RLN2: variants seen among roughly 807,000 people sequenced by gnomAD.
RLN2 encodes the protein relaxin 2.
In RLN2, 10 loss-of-function variants were observed where a neutral mutation model predicts 7.3. The ratio of observed to expected loss-of-function variants is 1.36; its 90% CI spans 0.84 to 2.31. RLN2 has a LOEUF of 2.31. Among genes scored for constraint, RLN2 ranks in the 30% most tolerant of loss-of-function variants. RLN2 has a pLI of 0.00. For synonymous variants in RLN2, 103 were observed against 82.3 expected, an observed-to-expected ratio of 1.25 and a Z score of -1.36; for missense variants, 298 against 217.6, an observed-to-expected ratio of 1.37 and a Z score of -2.32.
chr9:5,337,143 G>C, the RLN2 span, among the ~76,000 whole-genome samples: 2 of 151,938 alleles, frequency 1.3e-5, no homozygotes, highest in Non-Finnish European at 2.9e-5. Flanking sequence ...CCCTCATTAA[G>C]ACATCCTAAG....
At chr9:5,307,946 A>G (rs1157188805), upstream of RLN2, among the ~76,000 whole-genome samples, 1 of 152,058 alleles carries the variant, frequency 6.6e-6, no homozygotes, top group Non-Finnish European at 1.5e-5. Context: ...TATTTTCTAC[A>G]AAATTCTTAT....
At chr9:5,327,656 G>T in the RLN2 span, among the ~76,000 whole-genome samples, 1 of 151,970 alleles carries the variant, frequency 6.6e-6, no homozygotes, top group Non-Finnish European at 1.5e-5. Context: ...CCCAGTAGGG[G>T]CTGACAGACA....
chr9:5,336,762 A>G, the RLN2 span, among the ~76,000 whole-genome samples: 3 of 151,970 alleles, frequency 2.0e-5, no homozygotes, highest in African/African-American at 7.3e-5. Context: ...ATACCAAGGC[A>G]TTACTCTTGA....
chr9:5,304,461 A>C lies in RLN2; in HGVS notation c.120T>G (p.Val40=), dbSNP rs1459319516. Residue 40 remains valine, a synonymous_variant, in exon 1 of 2, where the codon GTT becomes GTG. Coordinates refer to ENST00000381627, the MANE Select transcript of RLN2 (RefSeq NM_134441.3). The stretch of plus-strand genomic sequence containing the variant: ...TGCCGCAAATGGCAATCTGCGCGCG[A>C]ACTAATTCGCGGCCGCATAATTTAA... The part of the protein sequence containing the change: ...EVIKLCGREL[V]RAQIAICGMS... 1.9e-6 allele frequency: 3 copies of C among 1,613,240 alleles called. No individual in the cohort carries two copies. Among genetic ancestry groups the C allele is most frequent in the Non-Finnish European group, 2.5e-6 (3 of 1,179,826 alleles).
chr9:5,333,016 A>C, the RLN2 span, among the ~76,000 whole-genome samples: 3 of 152,056 alleles, frequency 2.0e-5, no homozygotes, highest in African/African-American at 7.3e-5. Flanking sequence ...ACAAGAAAAC[A>C]AGATCACAGT....
At chr9:5,328,554 C>A in the RLN2 span, among the ~76,000 whole-genome samples, 1 of 151,912 alleles carries the variant, frequency 6.6e-6, no homozygotes, top group Non-Finnish European at 1.5e-5. Context: ...TCAGGAAATA[C>A]AGAGACCACC....
chr9:5,305,548 AT>A, upstream of RLN2, among the ~76,000 whole-genome samples: 1 of 152,002 alleles, frequency 6.6e-6, no homozygotes, highest in East Asian at 1.9e-4. Context: ...GTAAGAGGTG[AT>A]TTTTTACCAT....
chr9:5,300,355 TTA>T lies in RLN2; in HGVS notation c.299_300del (p.Leu100TyrfsTer4), dbSNP rs1460385515. 6.2e-7 allele frequency: 1 copy of T among 1,613,942 alleles called. No homozygotes were observed. Among genetic ancestry groups the T allele is most frequent in the Non-Finnish European group, 8.5e-7 (1 of 1,179,892 alleles). ...AATGCTGGCTGCATCTCAGACAGGG[TTA>T]ACTTCAGCTCCTGTGGCAAATTAGC... ...FVANLPQELK[L>X]TLSEMQPALP... On this transcript the variant is annotated frameshift_variant, in exon 2 of 2. Coordinates refer to ENST00000381627, the MANE Select transcript of RLN2 (RefSeq NM_134441.3). LOFTEE classifies it low-confidence loss of function (END_TRUNC).
chr9:5,311,809 T>A, the RLN2 span: 1 of 678,002 alleles, frequency 1.5e-6, no homozygotes, highest in Non-Finnish European at 2.6e-6. Flanking sequence ...GCAGAATTTT[T>A]TTTTTTAGTA....
the RLN2 span, among the ~76,000 whole-genome samples, chr9:5,313,269 T>A: frequency 6.6e-5 from 10 of 152,198 alleles, no homozygotes; most frequent in East Asian, 1.9e-3. Flanking sequence ...TGAATGCATA[T>A]GTATTTACTT....
At chr9:5,322,481 G>A in the RLN2 span, among the ~76,000 whole-genome samples, 7 of 152,162 alleles carry the variant, frequency 4.6e-5, no homozygotes, top group Middle Eastern at 3.4e-3. Context: ...GTGACACAAG[G>A]TTTTGCCTGT....
chr9:5,303,967 C>T, intron 1 of RLN2: 1 of 168,702 alleles, frequency 5.9e-6, no homozygotes, highest in Non-Finnish European at 1.0e-5. Context: ...CACCAGCACG[C>T]CCGCTGTCTG....
At chr9:5,316,312 T>C in the RLN2 span, among the ~76,000 whole-genome samples, 1 of 149,624 alleles carries the variant, frequency 6.7e-6, no homozygotes, top group African/African-American at 2.5e-5. Flanking sequence ...CTGATTTCTC[T>C]TTTTTTTATT....
At chr9:5,325,132 G>T in the RLN2 span, among the ~76,000 whole-genome samples, 2 of 151,794 alleles carry the variant, frequency 1.3e-5, no homozygotes, top group Admixed American at 6.6e-5. Context: ...AACTGCTATT[G>T]CTGGCCTTAA....
At chr9:5,337,200 C>A in the RLN2 span, among the ~76,000 whole-genome samples, 1 of 151,954 alleles carries the variant, frequency 6.6e-6, no homozygotes, top group Non-Finnish European at 1.5e-5. Flanking sequence ...CCAACCTAAA[C>A]TGTCTGTAGT....
the RLN2 span, among the ~76,000 whole-genome samples, chr9:5,311,932 C>T: frequency 2.0e-5 from 3 of 151,410 alleles, no homozygotes; most frequent in African/African-American, 7.3e-5. Flanking sequence ...CCCACTAACT[C>T]GTTCAAACAA....
rs924547278 is a variant in RLN2 at position 5,304,714 on chromosome 9, T to A, written c.-134A>T. 2 of 843,542 alleles carry A rather than the reference T, an allele frequency of 2.4e-6. No individual in the cohort carries two copies. The highest frequency in any genetic ancestry group is 3.8e-6 in the Non-Finnish European group (2 of 526,580). 52.3% of individuals were successfully genotyped at this position (843,542 alleles called of 1,614,324 possible). ...TTCCCTACCCGGCTCAAGCGGTCTT[T>A]TGTATCCCTTGGGCTATCACTCAGC... On this transcript the variant is annotated 5_prime_UTR_variant, in exon 1 of 2. Coordinates refer to ENST00000381627, the MANE Select transcript of RLN2 (RefSeq NM_134441.3).
chr9:5,317,910 A>G, the RLN2 span, among the ~76,000 whole-genome samples: 4 of 151,960 alleles, frequency 2.6e-5, no homozygotes, highest in Non-Finnish European at 4.4e-5. Context: ...TGTGGGAGAG[A>G]CACTCATCTA....
the RLN2 span, among the ~76,000 whole-genome samples, chr9:5,325,589 C>G: frequency 7.7e-4 from 117 of 152,076 alleles, 1 homozygote; most frequent in African/African-American, 2.6e-3. Flanking sequence ...ATAAGCTTCA[C>G]AGATGAACAG....
Sources: gnomAD v4.1 joint callset for allele counts (sites outside exome capture counted in the v4.1 genomes callset) on GRCh38, gnomAD v4.1.1 for gene constraint, MANE v1.5 for transcripts, NCBI Gene and HGNC (gene_info 2026-07-23, HGNC 2026-07-21) for gene names.